KCNAB1: variants seen among roughly 807,000 people sequenced by gnomAD.
KCNAB1 encodes potassium voltage-gated channel subfamily A regulatory beta subunit 1.
In KCNAB1, 35 loss-of-function variants were observed where a neutral mutation model predicts 64.6. The observed-to-expected ratio is 0.54, with a 90% CI of 0.41 to 0.72. The LOEUF (loss-of-function observed/expected upper bound fraction) is 0.72. Ranked by LOEUF, KCNAB1 falls within the 30% of genes least tolerant of loss-of-function variation. The pLI is 0.00. For missense variants in KCNAB1, 401 were observed against 512.9 expected (o/e 0.78, Z 2.11); for synonymous variants, 177 against 183.8 (o/e 0.96, Z 0.30).
chr3:156,413,127 A>C (rs1714796035), intron 1 of KCNAB1, among the ~76,000 whole-genome samples: 1 of 152,164 alleles, frequency 6.6e-6, no homozygotes, highest in South Asian at 2.1e-4. Context: ...TGGCCCTTCC[A>C]TTGGAACAGT....
intron 1 of KCNAB1, among the ~76,000 whole-genome samples, chr3:156,402,521 A>G (rs180880508): frequency 1.3e-5 from 2 of 152,356 alleles, no homozygotes; most frequent in Admixed American, 6.5e-5. Context: ...TGCTATTTTA[A>G]TGATAAATCT....
intron 1 of KCNAB1, among the ~76,000 whole-genome samples, chr3:156,405,135 C>A (rs1033808989): frequency 2.0e-5 from 3 of 152,204 alleles, no homozygotes; most frequent in African/African-American, 7.2e-5. Flanking sequence ...CTCCCTCTAC[C>A]TGTAAAAAGC....
At chr3:156,420,162 GCCTTGCA>G (rs1715372984) in intron 1 of KCNAB1, among the ~76,000 whole-genome samples, 1 of 152,212 alleles carries the variant, frequency 6.6e-6, no homozygotes, top group South Asian at 2.1e-4. Flanking sequence ...AAATCGCTAT[GCCTTGCA>G]TTTGTTTACA....
intron 1 of KCNAB1, among the ~76,000 whole-genome samples, chr3:156,142,563 A>C (rs1714767213): frequency 6.6e-6 from 1 of 152,168 alleles, no homozygotes; most frequent in African/African-American, 2.4e-5. Flanking sequence ...TGCTCTTCAT[A>C]TTTGTCAAAA....
intron 1 of KCNAB1, among the ~76,000 whole-genome samples, chr3:156,346,898 A>G (rs79440807): frequency 0.017 from 2,608 of 152,266 alleles, 189 homozygotes; most frequent in Admixed American, 0.13. Flanking sequence ...TCAGCATGCC[A>G]TTGTCAAAAA....
At chr3:156,344,445 A>G (rs1440476609) in intron 1 of KCNAB1, among the ~76,000 whole-genome samples, 3 of 152,142 alleles carry the variant, frequency 2.0e-5, no homozygotes. Flanking sequence ...CCTCCCTCTT[A>G]ACATTCTTGC....
chr3:156,234,238 C>G (rs1485267166), intron 1 of KCNAB1, among the ~76,000 whole-genome samples: 3 of 152,020 alleles, frequency 2.0e-5, no homozygotes, highest in Non-Finnish European at 4.4e-5. Flanking sequence ...TCCTGGAAAC[C>G]AGATGAGGAC....
At chr3:156,490,526 C>T (rs1011338263) in intron 8 of KCNAB1, among the ~76,000 whole-genome samples, 3 of 151,724 alleles carry the variant, frequency 2.0e-5, no homozygotes, top group Non-Finnish European at 2.9e-5. Context: ...AGAACAGAAA[C>T]GAGATGGAAA....
intron 1 of KCNAB1, among the ~76,000 whole-genome samples, chr3:156,372,714 T>A (rs1188427563): frequency 6.6e-6 from 1 of 152,192 alleles, no homozygotes; most frequent in Non-Finnish European, 1.5e-5. Context: ...AAGAGGACAC[T>A]GTAGACAAAG....
chr3:156,234,124 C>G (rs1334698245), intron 1 of KCNAB1, among the ~76,000 whole-genome samples: 2 of 151,912 alleles, frequency 1.3e-5, no homozygotes. Flanking sequence ...GAGAAGAATT[C>G]CAAGAATTCC....
intron 1 of KCNAB1, among the ~76,000 whole-genome samples, chr3:156,280,325 A>G (rs1719626442): frequency 6.7e-6 from 1 of 149,106 alleles, no homozygotes; most frequent in Non-Finnish European, 1.5e-5. Context: ...CCATTGATCT[A>G]TATCTCTGTT....
At chr3:156,347,388 A>G (rs867821103) in intron 1 of KCNAB1, among the ~76,000 whole-genome samples, 1 of 152,214 alleles carries the variant, frequency 6.6e-6, no homozygotes, top group Non-Finnish European at 1.5e-5. Context: ...GTGTGAGGAA[A>G]AAGTTACCTT....
chr3:156,421,001 TATA>T (rs1196442751), intron 1 of KCNAB1, among the ~76,000 whole-genome samples: 1 of 147,324 alleles, frequency 6.8e-6, no homozygotes, highest in Non-Finnish European at 1.5e-5. Flanking sequence ...TGTATTATAT[TATA>T]ATATATTAAA....
At chr3:156,492,470 T>A (rs1227084405) in intron 8 of KCNAB1, among the ~76,000 whole-genome samples, 3 of 152,036 alleles carry the variant, frequency 2.0e-5, no homozygotes, top group Non-Finnish European at 4.4e-5. Flanking sequence ...TGAACTGCCA[T>A]ATGGAGACAC....
intron 1 of KCNAB1, among the ~76,000 whole-genome samples, chr3:156,359,443 T>C (rs926833421): frequency 6.6e-6 from 1 of 152,174 alleles, no homozygotes; most frequent in Admixed American, 6.5e-5. Context: ...CCACTGGTTT[T>C]GAAAGGAATT....
chr3:156,265,950 C>T (rs1718677708), intron 1 of KCNAB1, among the ~76,000 whole-genome samples: 1 of 152,138 alleles, frequency 6.6e-6, no homozygotes, highest in Non-Finnish European at 1.5e-5. Flanking sequence ...CGAGATTGCA[C>T]CACTGCACTC....
At chr3:156,353,594 G>A (rs1257548461) in intron 1 of KCNAB1, among the ~76,000 whole-genome samples, 1 of 152,208 alleles carries the variant, frequency 6.6e-6, no homozygotes, top group African/African-American at 2.4e-5. Context: ...TTAAGGTGTT[G>A]GCCTGAGCTG....
intron 1 of KCNAB1, among the ~76,000 whole-genome samples, chr3:156,300,862 AG>A (rs1415549451): frequency 2.0e-5 from 3 of 152,224 alleles, no homozygotes; most frequent in Non-Finnish European, 4.4e-5. Context: ...CCAGGTAGAA[AG>A]CTAACAACTT....
At chr3:156,468,173 AAGATCTTTATAG>A (rs1270306570) in intron 7 of KCNAB1, among the ~76,000 whole-genome samples, 2 of 152,170 alleles carry the variant, frequency 1.3e-5, no homozygotes, top group Non-Finnish European at 2.9e-5. Context: ...TTGGAAGCTG[AAGATCTTTATAG>A]ACCTATAAAC....
Sources: allele counts gnomAD v4.1 joint callset (sites outside exome capture counted in the v4.1 genomes callset), GRCh38; gene constraint gnomAD v4.1.1; transcripts MANE v1.5; gene names NCBI Gene and HGNC (gene_info 2026-07-23, HGNC 2026-07-21).